POU2F1: variants seen among roughly 807,000 people sequenced by gnomAD.
The protein encoded by POU2F1 is POU domain, class 2, transcription factor 1.
In POU2F1, 16 loss-of-function variants were observed where a neutral mutation model predicts 84.9. The ratio of observed to expected loss-of-function variants is 0.19; its 90% CI spans 0.13 to 0.29. The LOEUF is 0.29. POU2F1 is among the 10% of genes least tolerant of loss of function. The pLI is 1.00. For synonymous variants in POU2F1, 368 were observed against 368.3 expected, an observed-to-expected ratio of 1.00 and a Z score of 0.01; for missense variants, 738 against 942.6, an observed-to-expected ratio of 0.78 and a Z score of 2.84.
chr1:167,338,664 G>GT (rs1257104036), intron 2 of POU2F1, among the ~76,000 whole-genome samples: 1 of 152,172 alleles, frequency 6.6e-6, no homozygotes, highest in African/African-American at 2.4e-5. Flanking sequence ...TGGAAAGATG[G>GT]TATTTCCCCA....
chr1:167,234,280 T>C (rs1429633526), intron 1 of POU2F1, among the ~76,000 whole-genome samples: 1 of 152,224 alleles, frequency 6.6e-6, no homozygotes, highest in Non-Finnish European at 1.5e-5. Flanking sequence ...TATCTCTGTA[T>C]TGCATTTTGG....
intron 9 of POU2F1, among the ~76,000 whole-genome samples, chr1:167,394,055 G>C (rs1648627975): frequency 6.6e-6 from 1 of 151,008 alleles, no homozygotes; most frequent in South Asian, 2.1e-4. Flanking sequence ...GTCTCACTTT[G>C]TCACCCAGGC....
At chr1:167,355,508 G>T (rs1342259164) in intron 2 of POU2F1, among the ~76,000 whole-genome samples, 6 of 152,002 alleles carry the variant, frequency 3.9e-5, no homozygotes, top group Non-Finnish European at 8.8e-5. Context: ...GAATCAACTT[G>T]TTAAGTTCTA....
At chr1:167,386,419 C>G (rs537342065) in intron 8 of POU2F1, among the ~76,000 whole-genome samples, 2 of 152,292 alleles carry the variant, frequency 1.3e-5, no homozygotes, top group African/African-American at 4.8e-5. Flanking sequence ...CCCCTGGGCT[C>G]AAGCAATCTG....
At position 167,399,126 on chromosome 1, in the gene POU2F1, A is replaced by G. The variant is rs1039282779; in HGVS notation, c.1270-60A>G. On this transcript the variant is annotated intron_variant, in intron 11 of 15. Coordinates refer to ENST00000367866, the MANE Select transcript of POU2F1 (RefSeq NM_002697.4). ...TTTTCTAACCTGACGTGATTATGCC[A>G]GTAGTTCAAAAAGTTATTGCAAAGG... The G allele has an allele frequency of 9.4e-6, 14 of 1,493,560 alleles. No individual in the cohort carries two copies. In the African/African-American group the frequency reaches 1.5e-4, roughly 16 times the overall value. 92.5% of individuals were successfully genotyped at this position (1,493,560 alleles called of 1,614,324 possible). A position where few individuals can be genotyped will look rare whatever the true frequency, so the allele number is the denominator to read the frequency against.
At chr1:167,347,241 G>A (rs1658263637) in intron 2 of POU2F1, among the ~76,000 whole-genome samples, 1 of 152,134 alleles carries the variant, frequency 6.6e-6, no homozygotes, top group Non-Finnish European at 1.5e-5. Context: ...AATTGAAGTA[G>A]TATATTATTT....
chr1:167,252,357 C>A (rs1262878979), intron 1 of POU2F1, among the ~76,000 whole-genome samples: 1 of 152,122 alleles, frequency 6.6e-6, no homozygotes, highest in African/African-American at 2.4e-5. Context: ...ATTTGACCAA[C>A]AGTCCAGGTT....
chr1:167,354,235 T>C (rs1026465673), intron 2 of POU2F1, among the ~76,000 whole-genome samples: 3 of 152,356 alleles, frequency 2.0e-5, no homozygotes, highest in Admixed American at 2.0e-4. Flanking sequence ...TAAATGACTT[T>C]GTACTTATCT....
At chr1:167,309,825 T>G (rs897720979) in intron 1 of POU2F1, among the ~76,000 whole-genome samples, 1 of 152,208 alleles carries the variant, frequency 6.6e-6, no homozygotes, top group Non-Finnish European at 1.5e-5. Flanking sequence ...CTAGAGATGC[T>G]CTGAACATTG....
chr1:167,340,831 A>G (rs190327272), intron 2 of POU2F1, among the ~76,000 whole-genome samples: 132 of 152,336 alleles, frequency 8.7e-4, no homozygotes, highest in African/African-American at 3.2e-3. Flanking sequence ...TCTTATAGAG[A>G]AAACATATAT....
intron 1 of POU2F1, among the ~76,000 whole-genome samples, chr1:167,289,585 G>A (rs932111636): frequency 5.3e-5 from 8 of 152,192 alleles, no homozygotes; most frequent in Non-Finnish European, 1.0e-4. Context: ...CATTTACATG[G>A]TGCTGTAAGT....
chr1:167,354,544 G>A (rs968072657), intron 2 of POU2F1, among the ~76,000 whole-genome samples: 8 of 151,996 alleles, frequency 5.3e-5, no homozygotes, highest in Admixed American at 1.3e-4. Context: ...TGCCCGTCTC[G>A]GCCTCCTGAA....
intron 1 of POU2F1, among the ~76,000 whole-genome samples, chr1:167,241,189 A>G (rs756108892): frequency 2.0e-5 from 3 of 152,254 alleles, no homozygotes; most frequent in Admixed American, 6.5e-5. Flanking sequence ...GTTCTCACCC[A>G]GGAGATAACT....
chr1:167,254,399 T>G (rs1650978157), intron 1 of POU2F1, among the ~76,000 whole-genome samples: 1 of 152,224 alleles, frequency 6.6e-6, no homozygotes, highest in Non-Finnish European at 1.5e-5. Context: ...ACTAAACTAG[T>G]GTCTGGCCCT....
chr1:167,224,541 G>A (rs552760321), intron 1 of POU2F1, among the ~76,000 whole-genome samples: 1 of 152,300 alleles, frequency 6.6e-6, no homozygotes, highest in South Asian at 2.1e-4. Flanking sequence ...TTTTAAAATT[G>A]TTCCATTGCA....
chr1:167,411,937 T>C (rs1410462943), intron 13 of POU2F1, 22 bp from the exon 14 acceptor site: 1 of 1,593,364 alleles, frequency 6.3e-7, no homozygotes, highest in African/African-American at 1.3e-5. Context: ...AAGGTCATCT[T>C]CTAATCTGTT....
intron 15 of POU2F1, chr1:167,414,255 G>C: frequency 1.1e-6 from 1 of 910,920 alleles, no homozygotes; most frequent in Non-Finnish European, 1.3e-6. Context: ...TAGAATTTGT[G>C]ATAAATCACT....
chr1:167,247,036 ATATGTGTG>A (rs3222195), intron 1 of POU2F1, among the ~76,000 whole-genome samples: 85,770 of 143,504 alleles, frequency 0.6, 26,965 homozygotes, highest in East Asian at 0.8. Context: ...GGTTATATAT[ATATGTGTG>A]TGTGTGTGTG....
chr1:167,251,412 A>C (rs1650717646), intron 1 of POU2F1, among the ~76,000 whole-genome samples: 1 of 136,984 alleles, frequency 7.3e-6, no homozygotes, highest in African/African-American at 2.9e-5. Context: ...CAAACAAACA[A>C]ATAAATAAAT....
Sources: gnomAD v4.1 joint callset for allele counts (sites outside exome capture counted in the v4.1 genomes callset) on GRCh38, gnomAD v4.1.1 for gene constraint, MANE v1.5 for transcripts, NCBI Gene and HGNC (gene_info 2026-07-23, HGNC 2026-07-21) for gene names.